The following IMMT variants were observed in gnomAD, a reference collection of about 807,000 sequenced individuals.
IMMT encodes MICOS complex subunit MIC60.
In IMMT, 40 loss-of-function variants were observed where a neutral mutation model predicts 92.7. The observed-to-expected ratio is 0.43, with a 90% CI of 0.34 to 0.56. IMMT has a LOEUF of 0.56. IMMT is among the 20% of genes least tolerant of loss of function. The probability of loss-of-function intolerance (pLI) is 0.03; values close to 1 mark genes in which losing one functional copy is unlikely to be tolerated. For synonymous variants in IMMT, 322 were observed against 336.1 expected (o/e 0.96, Z 0.46); for missense variants, 831 against 912.1 (o/e 0.91, Z 1.14).
intron 3 of IMMT, among the ~76,000 whole-genome samples, chr2:86,175,379 CAAAT>C (rs1376991585): frequency 6.6e-6 from 1 of 151,932 alleles, no homozygotes; most frequent in East Asian, 1.9e-4. Flanking sequence ...ACATTTCTCT[CAAAT>C]ATATATATAT....
chr2:86,162,205 C>T (rs539001345), intron 7 of IMMT, 126 bp from the exon 8 acceptor site: 15 of 587,600 alleles, frequency 2.6e-5, no homozygotes, highest in African/African-American at 2.2e-4. Flanking sequence ...CAATGTTTCT[C>T]CAGAGTAAGA....
At chr2:86,173,593 A>AT in intron 4 of IMMT, 57 bp downstream of exon 4, 12 of 977,444 alleles carry the variant, frequency 1.2e-5, no homozygotes, top group Non-Finnish European at 1.9e-5. Flanking sequence ...AAAAAAAAAA[A>AT]GAATTGGTGA....
intron 1 of IMMT, among the ~76,000 whole-genome samples, chr2:86,185,300 C>T (rs1672700621): frequency 6.6e-6 from 1 of 151,932 alleles, no homozygotes; most frequent in Non-Finnish European, 1.5e-5. Flanking sequence ...TGCTTTCAAG[C>T]AAAATTTAAA....
intron 3 of IMMT, among the ~76,000 whole-genome samples, chr2:86,174,274 C>A (rs760672635): frequency 6.6e-6 from 1 of 152,194 alleles, no homozygotes; most frequent in Admixed American, 6.5e-5. Flanking sequence ...CCAATTATTG[C>A]CTGCTCTAAG....
At chr2:86,170,671 A>C (rs1677019750) in intron 6 of IMMT, 78 bp downstream of exon 6, 1 of 952,436 alleles carries the variant, frequency 1.0e-6, no homozygotes, top group South Asian at 1.5e-5. Context: ...GATAGATGAC[A>C]AACTTGTGCT....
At chr2:86,159,259 AT>A (rs1301888741) in intron 9 of IMMT, 5 of 419,178 alleles carry the variant, frequency 1.2e-5, no homozygotes, top group East Asian at 1.1e-4. Context: ...TTATTTTTGT[AT>A]TTTTTGTAGA....
chr2:86,168,554 T>A (rs1558827060), intron 6 of IMMT, among the ~76,000 whole-genome samples: 2 of 152,110 alleles, frequency 1.3e-5, no homozygotes, highest in Non-Finnish European at 1.5e-5. Context: ...ACCTGGGAGT[T>A]GGAGGTTGTA....
chr2:86,174,619 C>A (rs1292504920), intron 3 of IMMT, among the ~76,000 whole-genome samples: 1 of 152,208 alleles, frequency 6.6e-6, no homozygotes, highest in Non-Finnish European at 1.5e-5. Context: ...CTGCTAATAG[C>A]CTGGAATCTA....
chr2:86,170,292 G>A (rs1316244407), intron 6 of IMMT, among the ~76,000 whole-genome samples: 1 of 152,076 alleles, frequency 6.6e-6, no homozygotes, highest in Non-Finnish European at 1.5e-5. Flanking sequence ...GGTGGTACAC[G>A]CCTGTAGTCC....
chr2:86,179,002 G>A (rs763330430), intron 3 of IMMT, among the ~76,000 whole-genome samples: 19 of 152,064 alleles, frequency 1.2e-4, no homozygotes, highest in Non-Finnish European at 2.4e-4. Context: ...CGGAGGTTGC[G>A]GTGAGGCGAG....
chr2:86,193,173 G>A (rs1673269989), intron 1 of IMMT: 1 of 151,880 alleles, frequency 6.6e-6, no homozygotes, highest in Non-Finnish European at 1.5e-5. Context: ...GGAGGCAGAA[G>A]TGGGAGGATC....
intron 8 of IMMT, 22 bp downstream of exon 8, chr2:86,161,954 G>A (rs371432359): frequency 2.5e-5 from 37 of 1,510,084 alleles, no homozygotes; most frequent in Non-Finnish European, 3.2e-5. Context: ...CTAATTACTT[G>A]TTAAAGTCCA....
At chr2:86,153,341 A>T (rs1675617910) in intron 11 of IMMT, among the ~76,000 whole-genome samples, 2 of 147,602 alleles carry the variant, frequency 1.4e-5, no homozygotes, top group Non-Finnish European at 3.0e-5. Context: ...ACACACACAC[A>T]CTTCACATCT....
chr2:86,185,484 T>C (rs1442867098), intron 1 of IMMT, among the ~76,000 whole-genome samples: 2 of 152,198 alleles, frequency 1.3e-5, no homozygotes, highest in East Asian at 3.8e-4. Flanking sequence ...AGAGTCTTTT[T>C]ACCTTGAGGA....
intron 5 of IMMT, 140 bp from the exon 6 acceptor site, chr2:86,170,984 A>G: frequency 1.4e-6 from 1 of 709,948 alleles, no homozygotes; most frequent in East Asian, 2.7e-5. Flanking sequence ...CTAAAACCAT[A>G]TCATTACTCT....
Position 86,159,493 on chromosome 2 carries a change from T to G in IMMT, c.1032+43A>C, listed in dbSNP as rs1260787309. 3 of 1,370,278 alleles carry G rather than the reference T, an allele frequency of 2.2e-6. No homozygotes were observed. The Admixed American group carries it at 5.9e-5, about 27-fold the overall frequency. 84.9% of individuals were successfully genotyped at this position (1,370,278 alleles called of 1,614,324 possible). A position where few individuals can be genotyped will look rare whatever the true frequency, so the allele number is the denominator to read the frequency against. ...AAATCCTTAAAATCCTTTAAGAGAT[T>G]ATATTTTAAAATATAAAATACTATA... On this transcript the variant is annotated intron_variant, in intron 9 of 14. Transcript: ENST00000410111.
In IMMT at chr2:86,145,518, AGAAAT is replaced by A. The variant is rs1459124526; in HGVS notation, c.1663+545_1663+549del. ...TCAAAAAAAAAAAAAAAAAAAAAAA[AGAAAT>A]GGGAGACTTCAAACGAACTTAACAG... On this transcript the variant is annotated intron_variant, in intron 14 of 14. Transcript: ENST00000410111. 6.2e-5 allele frequency among the ~76,000 whole-genome samples: 9 copies of A among 145,488 alleles called. No homozygotes were observed. In the East Asian group the frequency reaches 7.8e-4, roughly 13 times the overall value.
At chr2:86,185,107 G>A (rs889028205) in intron 1 of IMMT, among the ~76,000 whole-genome samples, 4 of 152,140 alleles carry the variant, frequency 2.6e-5, no homozygotes, top group South Asian at 2.1e-4. Context: ...ATGAACCCGG[G>A]AGGCAGAGCT....
chr2:86,178,998 T>C (rs976773941), intron 3 of IMMT, among the ~76,000 whole-genome samples: 4 of 152,054 alleles, frequency 2.6e-5, no homozygotes, highest in East Asian at 1.9e-4. Context: ...GAGGCGGAGG[T>C]TGCGGTGAGG....
Sources: allele counts gnomAD v4.1 joint callset (sites outside exome capture counted in the v4.1 genomes callset), GRCh38; gene constraint gnomAD v4.1.1; transcripts MANE v1.5; gene names NCBI Gene and HGNC (gene_info 2026-07-23, HGNC 2026-07-21).